Variants in CRYZL1 observed in about 807,000 individuals in gnomAD.
The protein encoded by CRYZL1 is ferry endosomal RAB5 effector complex subunit 4.
A neutral mutation model predicts 50.6 loss-of-function variants in CRYZL1; 34 were observed. The observed-to-expected ratio is 0.67, with a 90% CI of 0.51 to 0.89. CRYZL1 has a LOEUF of 0.89. Among genes scored for constraint, CRYZL1 ranks in the 40% least tolerant of loss-of-function variants. CRYZL1 has a pLI of 0.00. For synonymous variants in CRYZL1, 125 were observed against 134.3 expected, an observed-to-expected ratio of 0.93 and a Z score of 0.48; for missense variants, 354 against 402.3, an observed-to-expected ratio of 0.88 and a Z score of 1.03.
chr21:33,604,183 G>A (rs1044033751), intron 6 of CRYZL1, among the ~76,000 whole-genome samples: 8 of 151,980 alleles, frequency 5.3e-5, no homozygotes, highest in East Asian at 3.9e-4. Context: ...GTGAAACCCC[G>A]TCTCTACTGA....
intron 4 of CRYZL1, among the ~76,000 whole-genome samples, chr21:33,621,750 C>A (rs1206586959): frequency 6.6e-6 from 1 of 152,074 alleles, no homozygotes; most frequent in East Asian, 1.9e-4. Context: ...CTTAGCTACT[C>A]AGGAAGCTGA....
At chr21:33,625,650 A>G (rs2087053240) in intron 2 of CRYZL1, among the ~76,000 whole-genome samples, 1 of 151,266 alleles carries the variant, frequency 6.6e-6, no homozygotes, top group South Asian at 2.1e-4. Flanking sequence ...CACCCAGCTG[A>G]TTTTTAATTT....
chr21:33,625,095 C>T (rs1018975562), intron 2 of CRYZL1, among the ~76,000 whole-genome samples: 9 of 151,976 alleles, frequency 5.9e-5, no homozygotes, highest in Admixed American at 1.3e-4. Context: ...CTCAGAACAC[C>T]GGCTCTTCAC....
Position 33,624,772 on chromosome 21 carries a change from T to C in CRYZL1, c.67-12A>G. 3.8e-6 allele frequency: 6 copies of C among 1,586,238 alleles called. No individual in the cohort carries two copies. The highest frequency in any genetic ancestry group is 5.1e-6 in the Non-Finnish European group (6 of 1,173,042). ...ACAGGAAGATCTTCCTAGAACCAAATGATAACAAAACAATATGTTATTTTA... is the reference window on the plus strand; with the variant it reads ...ACAGGAAGATCTTCCTAGAACCAAACGATAACAAAACAATATGTTATTTTA... On this transcript the variant is annotated splice_polypyrimidine_tract_variant and intron_variant, in intron 2 of 12. Transcript: ENST00000381554.
chr21:33,609,444 C>T (rs1030255327), intron 6 of CRYZL1, among the ~76,000 whole-genome samples: 2 of 151,994 alleles, frequency 1.3e-5, no homozygotes, highest in African/African-American at 2.4e-5. Context: ...GGACTATAGG[C>T]ACACACCACC....
At chr21:33,613,157 C>G (rs978061860) in intron 6 of CRYZL1, among the ~76,000 whole-genome samples, 14 of 152,148 alleles carry the variant, frequency 9.2e-5, no homozygotes, top group African/African-American at 2.9e-4. Flanking sequence ...TTTCCCGTCT[C>G]AAACTCTCCA....
At chr21:33,593,688 A>ACT (rs1400746041) in intron 11 of CRYZL1, among the ~76,000 whole-genome samples, 3 of 152,146 alleles carry the variant, frequency 2.0e-5, no homozygotes, top group Non-Finnish European at 2.9e-5. Flanking sequence ...TAAGATTCAA[A>ACT]ACTAATAGCT....
chr21:33,601,091 C>T (rs2086751896), intron 8 of CRYZL1, among the ~76,000 whole-genome samples: 2 of 151,452 alleles, frequency 1.3e-5, no homozygotes, highest in South Asian at 4.2e-4. Flanking sequence ...CGTCTGCCAC[C>T]ACGCCCAGCT....
intron 8 of CRYZL1, among the ~76,000 whole-genome samples, chr21:33,600,328 G>A (rs1327628056): frequency 6.6e-6 from 1 of 152,124 alleles, no homozygotes; most frequent in Non-Finnish European, 1.5e-5. Flanking sequence ...AAGGATATTA[G>A]TAGTATCCTA....
chr21:33,603,612 A>T (rs1346166818), intron 6 of CRYZL1, 75 bp from the exon 7 acceptor site: 18 of 1,549,438 alleles, frequency 1.2e-5, no homozygotes, highest in Non-Finnish European at 1.4e-5. Flanking sequence ...ATTTCTCTCC[A>T]TCTCTAGTAC....
chr21:33,618,205 C>A (rs1390110474), intron 4 of CRYZL1, among the ~76,000 whole-genome samples: 3 of 143,968 alleles, frequency 2.1e-5, no homozygotes, highest in African/African-American at 5.2e-5. Context: ...GGGAGGATAG[C>A]GTGAACCTGG....
chr21:33,595,749 G>A lies in CRYZL1; in HGVS notation c.886C>T (p.Gln296Ter). Residue 296 changes from glutamine to a stop codon, truncating the protein, a stop_gained, in exon 11 of 13, where the codon CAA (glutamine) becomes TAA (stop). Transcript: ENST00000381554. LOFTEE classifies it high-confidence loss of function. ...NDEVWNLSNV[Q>*]QGKYLCILKD... ...AGGATATAAAGATATTTTCCCTGTT[G>A]TACATTTGACAAATTCCAAACTTCA... 6.2e-7 allele frequency: 1 copy of A among 1,613,686 alleles called. No homozygotes were observed. The highest frequency in any genetic ancestry group is 8.5e-7 in the Non-Finnish European group (1 of 1,179,628).
intron 11 of CRYZL1, chr21:33,595,490 T>C (rs1321912634): frequency 1.5e-6 from 2 of 1,314,872 alleles, no homozygotes; most frequent in East Asian, 3.4e-5. Flanking sequence ...GCTGCGTCCT[T>C]GAGTCTGTAT....
At chr21:33,637,296 T>C (rs1000358501) in intron 1 of CRYZL1, among the ~76,000 whole-genome samples, 2 of 151,772 alleles carry the variant, frequency 1.3e-5, no homozygotes, top group Admixed American at 1.3e-4. Flanking sequence ...ATACAAAAAA[T>C]TAGCCGGGCG....
At chr21:33,619,236 C>T (rs982814497) in intron 4 of CRYZL1, among the ~76,000 whole-genome samples, 3 of 152,304 alleles carry the variant, frequency 2.0e-5, no homozygotes, top group South Asian at 2.1e-4. Flanking sequence ...ACTTTATTTC[C>T]TCAATATGTC....
chr21:33,618,379 T>G (rs2086959557), intron 4 of CRYZL1, among the ~76,000 whole-genome samples: 3 of 151,678 alleles, frequency 2.0e-5, no homozygotes, highest in Admixed American at 1.3e-4. Context: ...TTCATTTGAG[T>G]AGTTTCATTC....
intron 8 of CRYZL1, among the ~76,000 whole-genome samples, chr21:33,601,976 T>C (rs542853232): frequency 5.6e-4 from 85 of 151,524 alleles, no homozygotes; most frequent in African/African-American, 2.0e-3. Flanking sequence ...GAAACTGACT[T>C]TCATTTGGGA....
chr21:33,606,006 T>C (rs1449349586), intron 6 of CRYZL1, among the ~76,000 whole-genome samples: 3 of 152,120 alleles, frequency 2.0e-5, no homozygotes, highest in African/African-American at 7.2e-5. Flanking sequence ...AACATGCATG[T>C]TGAAATGCTC....
chr21:33,641,246 C>T (rs2087318845), intron 1 of CRYZL1: 3 of 1,550,628 alleles, frequency 1.9e-6, no homozygotes, highest in Non-Finnish European at 2.6e-6. Context: ...AAGCCACATA[C>T]AGCGAATAAC....
Sources: allele counts gnomAD v4.1 joint callset (sites outside exome capture counted in the v4.1 genomes callset), GRCh38; gene constraint gnomAD v4.1.1; transcripts MANE v1.5; gene names NCBI Gene and HGNC (gene_info 2026-07-23, HGNC 2026-07-21).